NPAS3: variants seen among roughly 807,000 people sequenced by gnomAD.
NPAS3 encodes neuronal PAS domain-containing protein 3.
In NPAS3, 14 loss-of-function variants were observed where a neutral mutation model predicts 73.1. That is an observed-to-expected ratio of 0.19 (90% confidence interval 0.13 to 0.30). The LOEUF is 0.30. Ranked by LOEUF, NPAS3 falls within the 10% of genes least tolerant of loss-of-function variation. NPAS3 has a pLI of 1.00. For synonymous variants in NPAS3, 620 were observed against 541.5 expected (o/e 1.14, Z -2.01); for missense variants, 1,096 against 1,250.0 (o/e 0.88, Z 1.86).
chr14:33,020,264 C>G (rs1013478394), intron 1 of NPAS3, among the ~76,000 whole-genome samples: 2 of 152,020 alleles, frequency 1.3e-5, no homozygotes, highest in Admixed American at 1.3e-4. Context: ...ATAAATATTC[C>G]CATACGAGAA....
chr14:33,773,203 C>T (rs2062708326), intron 7 of NPAS3, among the ~76,000 whole-genome samples: 1 of 152,160 alleles, frequency 6.6e-6, no homozygotes, highest in Non-Finnish European at 1.5e-5. Context: ...TTCCTTATAG[C>T]AAAGGAGGAA....
intron 3 of NPAS3, among the ~76,000 whole-genome samples, chr14:33,228,814 T>G (rs1376350944): frequency 6.6e-6 from 1 of 152,200 alleles, no homozygotes; most frequent in Non-Finnish European, 1.5e-5. Flanking sequence ...GGATCCAGGA[T>G]GATTAACGCG....
chr14:33,794,809 A>G (rs1178799611), intron 10 of NPAS3, among the ~76,000 whole-genome samples: 1 of 152,136 alleles, frequency 6.6e-6, no homozygotes, highest in Admixed American at 6.5e-5. Context: ...ACCAAGACCC[A>G]CAGATTGGGC....
At position 33,461,090 on chromosome 14, in the gene NPAS3, G is replaced by A. The variant is rs182363730; in HGVS notation, c.468+93822G>A. 4.6e-4 allele frequency among the ~76,000 whole-genome samples: 70 copies of A among 152,270 alleles called. 1 individual carries two copies. The highest frequency in any genetic ancestry group is 2.8e-3 in the Admixed American group (43 of 15,290). On this transcript the variant is annotated intron_variant, in intron 4 of 11. Transcript: ENST00000356141. ...GCGGACGATACTAATAATTAAGTAC[G>A]TTCAAAGCCTGACTCCTGCCATTTA...
chr14:33,461,368 C>G (rs1482177033), intron 4 of NPAS3, among the ~76,000 whole-genome samples: 2 of 152,092 alleles, frequency 1.3e-5, no homozygotes, highest in African/African-American at 4.8e-5. Context: ...ACTGTTCTGC[C>G]TATTTCAATA....
At chr14:33,068,238 T>A (rs2041349031) in intron 2 of NPAS3, among the ~76,000 whole-genome samples, 1 of 152,238 alleles carries the variant, frequency 6.6e-6, no homozygotes. Flanking sequence ...CTTAGCTTAG[T>A]GTTTAAAACT....
chr14:33,618,535 C>T (rs1433840501), intron 5 of NPAS3, among the ~76,000 whole-genome samples: 1 of 152,096 alleles, frequency 6.6e-6, no homozygotes, highest in Non-Finnish European at 1.5e-5. Context: ...GGTGATAAGG[C>T]AAGTAATGGG....
chr14:33,143,108 A>AG (rs1361718880), intron 2 of NPAS3, among the ~76,000 whole-genome samples: 2 of 151,996 alleles, frequency 1.3e-5, no homozygotes, highest in African/African-American at 4.8e-5. Flanking sequence ...TCCATCTAAA[A>AG]GAAGAAGAAA....
chr14:33,297,632 A>C (rs2042355630), intron 3 of NPAS3, among the ~76,000 whole-genome samples: 1 of 152,238 alleles, frequency 6.6e-6, no homozygotes, highest in Non-Finnish European at 1.5e-5. Context: ...CAAAAAAACC[A>C]AACAGACTAA....
At chr14:33,697,229 A>G (rs1225601189) in intron 6 of NPAS3, among the ~76,000 whole-genome samples, 1 of 152,196 alleles carries the variant, frequency 6.6e-6, no homozygotes, top group Non-Finnish European at 1.5e-5. Context: ...TTTGGCATCT[A>G]AATAAGCCTG....
At chr14:33,207,029 G>T (rs952842366) in intron 2 of NPAS3, among the ~76,000 whole-genome samples, 2 of 152,028 alleles carry the variant, frequency 1.3e-5, no homozygotes, top group African/African-American at 4.8e-5. Context: ...ATCCCATGTC[G>T]GGCAAAGACC....
intron 6 of NPAS3, among the ~76,000 whole-genome samples, chr14:33,733,314 A>G (rs999878784): frequency 5.0e-5 from 6 of 119,220 alleles, no homozygotes; most frequent in African/African-American, 2.0e-4. Context: ...CCTTGGGAGG[A>G]AAAAAAAAAA....
intron 6 of NPAS3, among the ~76,000 whole-genome samples, chr14:33,683,951 G>A (rs1449867874): frequency 6.6e-6 from 1 of 152,154 alleles, no homozygotes; most frequent in African/African-American, 2.4e-5. Flanking sequence ...CTCTGAGGCA[G>A]GTCAGTGTGT....
At chr14:32,978,408 C>A (rs766727435) in intron 1 of NPAS3, among the ~76,000 whole-genome samples, 1 of 152,092 alleles carries the variant, frequency 6.6e-6, no homozygotes. Flanking sequence ...TTGTATTTTG[C>A]GTGAATAGAG....
At chr14:33,366,888 G>T (rs1182391905) in intron 3 of NPAS3, among the ~76,000 whole-genome samples, 1 of 152,102 alleles carries the variant, frequency 6.6e-6, no homozygotes, top group Non-Finnish European at 1.5e-5. Flanking sequence ...TATTTTAAAG[G>T]AACCTGAACA....
intron 9 of NPAS3, among the ~76,000 whole-genome samples, chr14:33,782,678 G>GT (rs2063013652): frequency 6.6e-6 from 1 of 152,136 alleles, no homozygotes. Flanking sequence ...TGTGGTGGCA[G>GT]TTTTTTCCTT....
At chr14:33,195,560 G>C (rs925723774) in intron 2 of NPAS3, among the ~76,000 whole-genome samples, 1 of 152,178 alleles carries the variant, frequency 6.6e-6, no homozygotes, top group Non-Finnish European at 1.5e-5. Flanking sequence ...GAGCCACCAT[G>C]CCTGGCCAAA....
At chr14:33,119,170 T>A (rs1394151392) in intron 2 of NPAS3, among the ~76,000 whole-genome samples, 1 of 152,112 alleles carries the variant, frequency 6.6e-6, no homozygotes, top group Non-Finnish European at 1.5e-5. Flanking sequence ...AAGTGTTCAA[T>A]TGCAAATAAA....
At chr14:33,387,734 A>G (rs2046831531) in intron 4 of NPAS3, among the ~76,000 whole-genome samples, 1 of 152,170 alleles carries the variant, frequency 6.6e-6, no homozygotes, top group Admixed American at 6.6e-5. Context: ...AGGGCCTCTC[A>G]GTGAAATAAT....
Sources: gnomAD v4.1 joint callset for allele counts (sites outside exome capture counted in the v4.1 genomes callset) on GRCh38, gnomAD v4.1.1 for gene constraint, MANE v1.5 for transcripts, NCBI Gene and HGNC (gene_info 2026-07-23, HGNC 2026-07-21) for gene names.